APBA1: variants seen among roughly 807,000 people sequenced by gnomAD.
APBA1 encodes the protein amyloid beta precursor protein binding family A member 1.
In APBA1, 55 loss-of-function variants were observed where a neutral mutation model predicts 86.6. The ratio of observed to expected loss-of-function variants is 0.64; its 90% CI spans 0.51 to 0.80. The LOEUF (loss-of-function observed/expected upper bound fraction) is 0.80. APBA1 is among the 30% of genes least tolerant of loss of function. The probability of loss-of-function intolerance (pLI) is 0.00; values close to 1 mark genes in which losing one functional copy is unlikely to be tolerated. For missense variants in APBA1, 1,090 were observed against 1,183.0 expected, an observed-to-expected ratio of 0.92 and a Z score of 1.15; for synonymous variants, 511 against 493.9, an observed-to-expected ratio of 1.03 and a Z score of -0.46.
chr9:69,648,186 C>T (rs1823427465), intron 1 of APBA1, among the ~76,000 whole-genome samples: 1 of 152,192 alleles, frequency 6.6e-6, no homozygotes, highest in Non-Finnish European at 1.5e-5. Context: ...TTGGCTACAA[C>T]ATTTCTCACC....
intron 1 of APBA1, among the ~76,000 whole-genome samples, chr9:69,606,879 G>C (rs1822487534): frequency 6.6e-6 from 1 of 152,040 alleles, no homozygotes; most frequent in South Asian, 2.1e-4. Flanking sequence ...AGTGACACAT[G>C]GCAATAAGAG....
intron 1 of APBA1, among the ~76,000 whole-genome samples, chr9:69,628,605 A>T (rs374609152): frequency 1.4e-4 from 22 of 152,144 alleles, no homozygotes; most frequent in South Asian, 6.2e-4. Flanking sequence ...AAGAATATCT[A>T]TTAGCTTTCT....
chr9:69,614,951 C>A (rs1822670814), intron 1 of APBA1, among the ~76,000 whole-genome samples: 1 of 152,190 alleles, frequency 6.6e-6, no homozygotes, highest in Non-Finnish European at 1.5e-5. Context: ...GTAATCCCAG[C>A]ACGTTGGAGG....
At chr9:69,664,338 T>C (rs1479795876) in intron 1 of APBA1, among the ~76,000 whole-genome samples, 1 of 152,168 alleles carries the variant, frequency 6.6e-6, no homozygotes, top group Admixed American at 6.5e-5. Flanking sequence ...GCAGAGATCA[T>C]AAATATACTC....
intron 10 of APBA1, among the ~76,000 whole-genome samples, chr9:69,447,711 C>T (rs1342880485): frequency 6.6e-6 from 1 of 152,158 alleles, no homozygotes; most frequent in Non-Finnish European, 1.5e-5. Flanking sequence ...CCTCAGCTTC[C>T]TAGCTTGTAC....
chr9:69,524,852 T>C (rs1196687877), intron 1 of APBA1, among the ~76,000 whole-genome samples: 4 of 152,164 alleles, frequency 2.6e-5, no homozygotes, highest in Non-Finnish European at 4.4e-5. Context: ...ACCAGCAAAC[T>C]GAATCCAACA....
At chr9:69,534,746 C>A (rs562891992) in intron 1 of APBA1, among the ~76,000 whole-genome samples, 1 of 152,100 alleles carries the variant, frequency 6.6e-6, no homozygotes, top group African/African-American at 2.4e-5. Flanking sequence ...TTCTGTTTCT[C>A]TTCTAGGGGC....
At chr9:69,476,886 G>C (rs563911327) in intron 2 of APBA1, among the ~76,000 whole-genome samples, 2 of 152,188 alleles carry the variant, frequency 1.3e-5, no homozygotes, top group African/African-American at 4.8e-5. Context: ...CCTGCTAGAC[G>C]TGTATAGGAA....
intron 2 of APBA1, among the ~76,000 whole-genome samples, chr9:69,494,748 A>G (rs1835769253): frequency 6.6e-6 from 1 of 152,036 alleles, no homozygotes; most frequent in South Asian, 2.1e-4. Flanking sequence ...AACCAAAACC[A>G]CTTTTAATTC....
intron 2 of APBA1, among the ~76,000 whole-genome samples, chr9:69,514,390 A>G (rs1191702638): frequency 6.6e-6 from 1 of 152,114 alleles, no homozygotes; most frequent in African/African-American, 2.4e-5. Context: ...TAGGAGTTCA[A>G]GCCCAGCCTA....
At chr9:69,587,434 A>C (rs912262665) in intron 1 of APBA1, among the ~76,000 whole-genome samples, 1 of 152,306 alleles carries the variant, frequency 6.6e-6, no homozygotes, top group Non-Finnish European at 1.5e-5. Flanking sequence ...GATTGGTGTC[A>C]TTGGTGTATC....
intron 1 of APBA1, among the ~76,000 whole-genome samples, chr9:69,623,348 TC>T (rs1822864104): frequency 1.4e-5 from 2 of 144,892 alleles, no homozygotes; most frequent in African/African-American, 4.9e-5. Context: ...CTATAGATTT[TC>T]TTTTTTTTCT....
chr9:69,432,045 G>C (rs1834609570), intron 12 of APBA1, among the ~76,000 whole-genome samples: 1 of 152,224 alleles, frequency 6.6e-6, no homozygotes, highest in Non-Finnish European at 1.5e-5. Context: ...TGACAGTAGT[G>C]ATGACTGATA....
At chr9:69,452,083 C>G (rs1835019412) in intron 9 of APBA1, 39 bp downstream of exon 9, 1 of 1,596,912 alleles carries the variant, frequency 6.3e-7, no homozygotes. Context: ...CCCTGCCCAG[C>G]TGACCCAGCC....
intron 1 of APBA1, among the ~76,000 whole-genome samples, chr9:69,542,321 T>C (rs1015649904): frequency 6.6e-6 from 1 of 152,242 alleles, no homozygotes; most frequent in Non-Finnish European, 1.5e-5. Context: ...ATGTACACTC[T>C]ATGGGTTTGA....
chr9:69,514,686 T>C (rs62567206), intron 2 of APBA1, among the ~76,000 whole-genome samples: 22,925 of 152,010 alleles, frequency 0.15, 2,309 homozygotes, highest in East Asian at 0.28. Context: ...AGGTGAGTGG[T>C]TCACTTGTGG....
intron 1 of APBA1, among the ~76,000 whole-genome samples, chr9:69,595,102 C>T (rs1402054416): frequency 6.6e-6 from 1 of 152,068 alleles, no homozygotes; most frequent in African/African-American, 2.4e-5. Context: ...TTACAGTTCA[C>T]TTTCAAGGTG....
chr9:69,551,035 C>T (rs1836776870), intron 1 of APBA1, among the ~76,000 whole-genome samples: 1 of 152,020 alleles, frequency 6.6e-6, no homozygotes. Flanking sequence ...TAAACCTTAG[C>T]TATGAGAAAA....
At chr9:69,499,998 A>T (rs537671696) in intron 2 of APBA1, among the ~76,000 whole-genome samples, 2 of 152,116 alleles carry the variant, frequency 1.3e-5, no homozygotes, top group Non-Finnish European at 2.9e-5. Flanking sequence ...AATGCCAATA[A>T]AAGGTAAATG....
Sources: gnomAD v4.1 joint callset for allele counts (sites outside exome capture counted in the v4.1 genomes callset) on GRCh38, gnomAD v4.1.1 for gene constraint, MANE v1.5 for transcripts, NCBI Gene and HGNC (gene_info 2026-07-23, HGNC 2026-07-21) for gene names.